The following PIEZO2 variants were observed in gnomAD, a reference collection of about 807,000 sequenced individuals.
PIEZO2 encodes the protein piezo-type mechanosensitive ion channel component 2.
PIEZO2 carries 172 observed loss-of-function variants against 337.3 expected under a neutral mutation model. That is an observed-to-expected ratio of 0.51 (90% CI 0.45 to 0.58). The LOEUF is 0.58. Among genes scored for constraint, PIEZO2 ranks in the 20% least tolerant of loss-of-function variants. The pLI is 0.00. For synonymous variants in PIEZO2, 1,251 were observed against 1,228.5 expected, an observed-to-expected ratio of 1.02 and a Z score of -0.38; for missense variants, 3,028 against 3,391.3, an observed-to-expected ratio of 0.89 and a Z score of 2.66.
At position 10,718,211 on chromosome 18, in the gene PIEZO2, G is replaced by T; in HGVS notation, c.5078C>A (p.Ser1693Tyr). 6.5e-7 allele frequency: 1 copy of T among 1,536,810 alleles called. No homozygotes were observed. The highest frequency in any genetic ancestry group is 8.7e-7 in the Non-Finnish European group (1 of 1,146,520). The part of the protein sequence containing the change: ...DREDEPIKKK[S>Y]DGPDNIIKRI... ...CTTTATTTTGTTACCTGGTCCATCG[G>T]ATTTCTTTTTGATTGGTTCATCCTC... Residue 1693 changes from serine to tyrosine, a missense_variant, in exon 37 of 56, where the codon TCC becomes TAC. Physicochemically the swap from Ser to Tyr is moderately radical, Grantham distance 144 (BLOSUM62 -2). Around this residue, in one of 5 missense-constraint regions of PIEZO2, gnomAD observed 1,925 missense variants for 2,051.9 expected, o/e 0.94. Transcript: ENST00000674853.
At chr18:11,034,559 C>T (rs1401777084) in intron 2 of PIEZO2, among the ~76,000 whole-genome samples, 1 of 152,198 alleles carries the variant, frequency 6.6e-6, no homozygotes, top group Non-Finnish European at 1.5e-5. Flanking sequence ...TCCCAAAGTG[C>T]TGGGATTACA....
At chr18:11,022,495 T>C (rs960604206) in intron 2 of PIEZO2, among the ~76,000 whole-genome samples, 9 of 152,184 alleles carry the variant, frequency 5.9e-5, no homozygotes, top group Non-Finnish European at 1.0e-4. Flanking sequence ...GCTGGCAGGA[T>C]TGGTTTCTCC....
At chr18:10,816,124 A>G (rs575696138) in intron 7 of PIEZO2, among the ~76,000 whole-genome samples, 2 of 152,294 alleles carry the variant, frequency 1.3e-5, no homozygotes, top group South Asian at 4.1e-4. Flanking sequence ...CTTCACTGGG[A>G]GGAGCTTCCT....
chr18:10,705,153 A>C lies in PIEZO2; in HGVS notation c.5999+183T>G, dbSNP rs72972004. On this transcript the variant is annotated intron_variant, in intron 41 of 55. Coordinates refer to ENST00000674853, the MANE Select transcript of PIEZO2 (RefSeq NM_001378183.1). ...TCTGGGTTTTGCTGGTTCTAGAACC[A>C]GTCATGGTAGGAGCGAAGTTTGCTT... Among the ~76,000 whole-genome samples the C allele has an allele frequency of 0.013, 2,035 of 152,348 alleles. 20 individuals carry two copies. The highest frequency in any genetic ancestry group is 0.051 in the Middle Eastern group (15 of 294).
Position 10,724,392 on chromosome 18 carries a change from C to T in PIEZO2, c.5030-6133G>A, listed in dbSNP as rs983663117. Among the ~76,000 whole-genome samples, 12 of 152,162 alleles carry T rather than the reference C, an allele frequency of 7.9e-5. No individual in the cohort carries two copies. The highest frequency in any genetic ancestry group is 7.9e-4 in the Admixed American group (12 of 15,276). On this transcript the variant is annotated intron_variant, in intron 36 of 55. Transcript: ENST00000674853. The surrounding 1 kb of genome is among the most constrained non-coding windows in gnomAD (Gnocchi z 5.8). ...AAAACGAAAACAAAAGTGCTTTCTCCTGGCCCAGCATACTTGGGTGAAGTC... is the reference window on the plus strand; with the variant it reads ...AAAACGAAAACAAAAGTGCTTTCTCTTGGCCCAGCATACTTGGGTGAAGTC...
chr18:10,718,997 A>AT (rs1488114499), intron 36 of PIEZO2, among the ~76,000 whole-genome samples: 20 of 150,766 alleles, frequency 1.3e-4, no homozygotes, highest in African/African-American at 4.9e-4. Flanking sequence ...AAATAAATAA[A>AT]TAAATAAATA....
Position 10,682,035 on chromosome 18 carries a change from C to A in PIEZO2, c.7686+69G>T, listed in dbSNP as rs890468022. 3 of 1,420,834 alleles carry A rather than the reference C, an allele frequency of 2.1e-6. No individual in the cohort carries two copies. The African/African-American group carries it at 4.3e-5, about 20-fold the overall frequency. 88.0% of individuals were successfully genotyped at this position (1,420,834 alleles called of 1,614,324 possible). A position where few individuals can be genotyped will look rare whatever the true frequency, so the allele number is the denominator to read the frequency against. ...CGGCAGCCCATGACTAAACACCCTA[C>A]AGACAGCTATCATAAAGGAATGTGG... is the stretch of plus-strand genomic sequence containing the variant. On this transcript the variant is annotated intron_variant, in intron 50 of 55. Coordinates refer to ENST00000674853, the MANE Select transcript of PIEZO2 (RefSeq NM_001378183.1). This position sits in a 1 kb window ranked among gnomAD's most constrained non-coding sequence, Gnocchi z 5.6.
intron 4 of PIEZO2, among the ~76,000 whole-genome samples, chr18:10,879,735 C>T (rs981390109): frequency 1.3e-5 from 2 of 152,094 alleles, no homozygotes; most frequent in Non-Finnish European, 2.9e-5. Context: ...CTTGTTCAGA[C>T]AGTGATTATA....
At chr18:10,893,788 T>C (rs2042820320) in intron 4 of PIEZO2, 1 of 152,242 alleles carries the variant, frequency 6.6e-6, no homozygotes, top group Admixed American at 6.5e-5. Context: ...TATACTGTAA[T>C]GAATTTCTGC....
At chr18:11,119,083 A>G (rs1308155059) in intron 1 of PIEZO2, among the ~76,000 whole-genome samples, 1 of 152,138 alleles carries the variant, frequency 6.6e-6, no homozygotes, top group African/African-American at 2.4e-5. Flanking sequence ...TTGTAGTAAT[A>G]CTAAAAAGAT....
intron 3 of PIEZO2, among the ~76,000 whole-genome samples, chr18:10,956,003 T>C (rs1254789722): frequency 1.3e-5 from 2 of 152,172 alleles, no homozygotes; most frequent in Non-Finnish European, 2.9e-5. Flanking sequence ...CATCCTTTCT[T>C]TGGGGAGGGA....
intron 3 of PIEZO2, among the ~76,000 whole-genome samples, chr18:10,960,423 A>C (rs2033715022): frequency 6.6e-6 from 1 of 152,138 alleles, no homozygotes; most frequent in African/African-American, 2.4e-5. Context: ...TAAACCCTAA[A>C]AGTATTAAAA....
chr18:10,681,639 T>G, intron 51 of PIEZO2, 22 bp downstream of exon 51: 2 of 1,535,426 alleles, frequency 1.3e-6, no homozygotes, highest in South Asian at 2.3e-5. Context: ...TTCACAGAAA[T>G]CTACTATAGG....
At chr18:10,790,129 T>C (rs995275928) in intron 14 of PIEZO2, among the ~76,000 whole-genome samples, 13 of 152,334 alleles carry the variant, frequency 8.5e-5, no homozygotes, top group Non-Finnish European at 1.9e-4. Context: ...ATTAACTGGT[T>C]AATTTAATCA....
Position 10,724,871 on chromosome 18 carries a change from C to T in PIEZO2, c.5029+6536G>A. 1 of 1,609,096 alleles carries T rather than the reference C, an allele frequency of 6.2e-7. No homozygotes were observed. Among genetic ancestry groups the T allele is most frequent in the Non-Finnish European group, 8.5e-7 (1 of 1,177,974 alleles). On this transcript the variant is annotated intron_variant, in intron 36 of 55. Coordinates refer to ENST00000674853, the MANE Select transcript of PIEZO2 (RefSeq NM_001378183.1). The surrounding 1 kb of genome is among the most constrained non-coding windows in gnomAD (Gnocchi z 5.8). Reference sequence around the variant, plus strand: ...ATGCGTCGCAGTGAGAGCACCTACTCTGTAAATAGTACTGGCCGGCGGGGG... The same window carrying T: ...ATGCGTCGCAGTGAGAGCACCTACTTTGTAAATAGTACTGGCCGGCGGGGG...
chr18:11,010,508 G>T (rs1242106880), intron 2 of PIEZO2, among the ~76,000 whole-genome samples: 8 of 152,142 alleles, frequency 5.3e-5, no homozygotes, highest in Non-Finnish European at 8.8e-5. Context: ...GAACAGAAAT[G>T]AAACAACAAA....
At chr18:11,050,506 T>TG (rs2044242173) in intron 2 of PIEZO2, among the ~76,000 whole-genome samples, 2 of 135,752 alleles carry the variant, frequency 1.5e-5, no homozygotes, top group South Asian at 5.3e-4. Flanking sequence ...CAGGATAAGG[T>TG]GCTTTTGGTG....
rs2038581233 is a variant in PIEZO2, at chr18:11,077,354, T to C, written c.65-11132A>G. 6.6e-6 allele frequency among the ~76,000 whole-genome samples: 1 copy of C among 152,174 alleles called. No homozygotes were observed. The highest frequency in any genetic ancestry group is 2.1e-4 in the South Asian group (1 of 4,818). ...TGGTAGCTTGCTTTGGTTTGTGTCA[T>C]GGTATTTGCTGATTTAGAAATCACT... On this transcript the variant is annotated intron_variant, in intron 1 of 55. Coordinates refer to ENST00000674853, the MANE Select transcript of PIEZO2 (RefSeq NM_001378183.1). The surrounding 1 kb of genome is among the most constrained non-coding windows in gnomAD (Gnocchi z 4.8).
chr18:11,066,088 T>A (rs1309040932), intron 2 of PIEZO2, 39 bp downstream of exon 2: 1 of 1,453,746 alleles, frequency 6.9e-7, no homozygotes, highest in African/African-American at 1.4e-5. Flanking sequence ...ACATTCAGAC[T>A]GTATAACTCT....
Sources: allele counts gnomAD v4.1 joint callset (sites outside exome capture counted in the v4.1 genomes callset), GRCh38; gene constraint gnomAD v4.1.1; regional missense constraint gnomAD v4.1.1; non-coding constraint Gnocchi (gnomAD v3.1); transcripts MANE v1.5; gene names NCBI Gene and HGNC (gene_info 2026-07-23, HGNC 2026-07-21).